Variants in TMEM220 observed in about 807,000 individuals in gnomAD.
The protein encoded by TMEM220 is transmembrane protein 220.
A neutral mutation model predicts 21.7 loss-of-function variants in TMEM220; 21 were observed. That is an observed-to-expected ratio of 0.97 (90% CI 0.69 to 1.39). The LOEUF is 1.39. TMEM220 is among the 40% of genes most tolerant of loss of function. The probability of loss-of-function intolerance (pLI) is 0.00; values close to 1 mark genes in which losing one functional copy is unlikely to be tolerated. For missense variants in TMEM220, 191 were observed against 201.9 expected, an observed-to-expected ratio of 0.95 and a Z score of 0.33; for synonymous variants, 80 against 73.6, an observed-to-expected ratio of 1.09 and a Z score of -0.45.
Position 10,715,398 on chromosome 17 carries a change from T to C in TMEM220, c.*55A>G. 1 of 1,523,858 alleles carries C rather than the reference T, an allele frequency of 6.6e-7. No individual in the cohort carries two copies. 94.4% of individuals were successfully genotyped at this position (1,523,858 alleles called of 1,614,324 possible). A position where few individuals can be genotyped will look rare whatever the true frequency, so the allele number is the denominator to read the frequency against. On this transcript the variant is annotated 3_prime_UTR_variant, in exon 6 of 6. Coordinates refer to ENST00000341871, the MANE Select transcript of TMEM220 (RefSeq NM_001004313.3). ...AAACTCCTGGCTTGTTCCCCTAATGTTTATAAAAAATTGATTGAAAATATT... is the reference window on the plus strand; with the variant it reads ...AAACTCCTGGCTTGTTCCCCTAATGCTTATAAAAAATTGATTGAAAATATT...
intron 1 of TMEM220, 139 bp from the exon 2 acceptor site, chr17:10,729,199 G>T: frequency 1.1e-6 from 1 of 910,660 alleles, no homozygotes; most frequent in Non-Finnish European, 1.7e-6. Context: ...ATCTGAACAG[G>T]ATATAGTCCA....
rs2074900492 is a variant in TMEM220, at chr17:10,715,381, G to C, written c.*72C>G. On this transcript the variant is annotated 3_prime_UTR_variant, in exon 6 of 6. Transcript: ENST00000341871. ...CCCAAATTACCTGAAATAAACTCCTGGCTTGTTCCCCTAATGTTTATAAAA... is the reference window on the plus strand; with the variant it reads ...CCCAAATTACCTGAAATAAACTCCTCGCTTGTTCCCCTAATGTTTATAAAA... 1 of 1,432,028 alleles carries C rather than the reference G, an allele frequency of 7.0e-7. No homozygotes were observed. Among genetic ancestry groups the C allele is most frequent in the Non-Finnish European group, 9.5e-7 (1 of 1,054,680 alleles). The allele number at this position is 1,432,028 out of a possible 1,614,324, so 88.7% of individuals were successfully genotyped here.
At position 10,726,295 on chromosome 17, in the gene TMEM220, G is replaced by A. The variant is rs12453175; in HGVS notation, c.103-31C>T. On this transcript the variant is annotated intron_variant, in intron 2 of 5. Coordinates refer to ENST00000341871, the MANE Select transcript of TMEM220 (RefSeq NM_001004313.3). ...AGCAAAAAGGGAGGAAATTACATGA[G>A]TTAAGATGTATGCCCAATATATGAG... 13,205 of 1,555,688 alleles carry A rather than the reference G, an allele frequency of 8.5e-3. 632 individuals carry two copies. The East Asian group carries it at 0.13, about 15-fold the overall frequency.
intron 5 of TMEM220, among the ~76,000 whole-genome samples, 187 bp downstream of exon 5, chr17:10,723,083 C>A (rs948662460): frequency 1.3e-4 from 19 of 151,154 alleles, no homozygotes; most frequent in Non-Finnish European, 2.2e-4. Context: ...CGGGTTCAAG[C>A]GATTCCCCTG....
intron 4 of TMEM220, among the ~76,000 whole-genome samples, chr17:10,723,868 A>G (rs2075020398): frequency 6.6e-6 from 1 of 152,218 alleles, no homozygotes; most frequent in African/African-American, 2.4e-5. Context: ...TTCTATAAAT[A>G]TGTATTATAT....
intron 5 of TMEM220, among the ~76,000 whole-genome samples, chr17:10,719,075 T>C (rs2074956333): frequency 6.6e-6 from 1 of 152,230 alleles, no homozygotes; most frequent in Admixed American, 6.5e-5. Flanking sequence ...AGCTATGTTA[T>C]TAGGTCCATA....
chr17:10,722,027 C>G (rs1410219276), intron 5 of TMEM220, among the ~76,000 whole-genome samples: 3 of 140,296 alleles, frequency 2.1e-5, no homozygotes, highest in African/African-American at 8.1e-5. Context: ...CAGTCCTGCT[C>G]TATCGCGCAG....
Position 10,725,113 on chromosome 17 carries a change from A to T in TMEM220, c.185T>A (p.Ile62Asn). The T allele has an allele frequency of 6.2e-7, 1 of 1,614,108 alleles. No homozygotes were observed. The highest frequency in any genetic ancestry group is 8.5e-7 in the Non-Finnish European group (1 of 1,179,986). The change falls in exon 4 of 6, where the codon ATC (isoleucine) becomes AAC (asparagine). Residue 62 changes from isoleucine (I) to asparagine (N), a missense_variant. By Grantham distance (149) the Ile-to-Asn change is moderately radical. Transcript: ENST00000341871. ...EVTGNVIWKS[I>N]SAIHILFCTV... Reference sequence around the variant, plus strand: ...ACAAAAGAGTATGTGTATTGCAGAGATACTTTTCCAAATAACATTACCTAA... The same window carrying T: ...ACAAAAGAGTATGTGTATTGCAGAGTTACTTTTCCAAATAACATTACCTAA...
intron 5 of TMEM220, among the ~76,000 whole-genome samples, chr17:10,718,832 G>C (rs1297105141): frequency 1.3e-5 from 2 of 152,266 alleles, no homozygotes; most frequent in East Asian, 3.9e-4. Context: ...AAATTTGTTA[G>C]TACTTATTTC....
At chr17:10,729,672 T>G in intron 1 of TMEM220, 108 bp downstream of exon 1, 1 of 977,896 alleles carries the variant, frequency 1.0e-6, no homozygotes, top group Non-Finnish European at 1.3e-6. Flanking sequence ...TCCTCCCCAC[T>G]AACTGTGCGC....
intron 5 of TMEM220, among the ~76,000 whole-genome samples, chr17:10,722,191 C>T (rs779721828): frequency 1.8e-4 from 27 of 152,020 alleles, no homozygotes; most frequent in African/African-American, 3.9e-4. Context: ...GACGGGGTTT[C>T]GCCATGTTGG....
chr17:10,719,299 C>T (rs530348223), intron 5 of TMEM220, among the ~76,000 whole-genome samples: 56 of 152,226 alleles, frequency 3.7e-4, no homozygotes, highest in Admixed American at 1.8e-3. Flanking sequence ...TTATTTGAGA[C>T]GGAGTCTCTC....
At position 10,715,571 on chromosome 17, in the gene TMEM220, C is replaced by A; in HGVS notation, c.365G>T (p.Arg122Ile). 1 of 1,589,892 alleles carries A rather than the reference C, an allele frequency of 6.3e-7. No individual in the cohort carries two copies. Among genetic ancestry groups the A allele is most frequent in the Non-Finnish European group, 8.5e-7 (1 of 1,174,150 alleles). ...HSSSKNPVGG[R>I]IQLAIAIVIT... The stretch of plus-strand genomic sequence containing the variant: ...TACAATGGCAATAGCCAATTGAATT[C>A]TTCCACCAACTGGATTCCTATAAAG... The change falls in exon 6 of 6, where the codon AGA becomes ATA. Residue 122 changes from arginine (R) to isoleucine (I), a missense_variant. Transcript: ENST00000341871.
chr17:10,723,429 G>C, intron 4 of TMEM220, 100 bp from the exon 5 acceptor site: 1 of 828,378 alleles, frequency 1.2e-6, no homozygotes, highest in Non-Finnish European at 2.1e-6. Context: ...TTCTGATTGA[G>C]TGACTGACTC....
intron 2 of TMEM220, 123 bp from the exon 3 acceptor site, chr17:10,726,387 T>G (rs1265792528): frequency 2.6e-6 from 2 of 780,264 alleles, no homozygotes; most frequent in Non-Finnish European, 4.4e-6. Context: ...GATTTGCCTC[T>G]AAGTTTCAAT....
intron 5 of TMEM220, 59 bp downstream of exon 5, chr17:10,723,211 C>T: frequency 6.9e-7 from 1 of 1,446,058 alleles, no homozygotes; most frequent in Non-Finnish European, 9.7e-7. Context: ...GATCTCCTGA[C>T]CTCGTGATCT....
In TMEM220 at chr17:10,729,777, G is replaced by T; in HGVS notation, c.72+3C>A. On this transcript the variant is annotated splice_donor_region_variant and intron_variant, in intron 1 of 5. Transcript: ENST00000341871. ...GGTCCCCCTCCCACCGCGGCCGCCT[G>T]ACCTGCACCAAGGCCGCCAGCGCGA... 3 of 1,409,148 alleles carry T rather than the reference G, an allele frequency of 2.1e-6. No homozygotes were observed. The highest frequency in any genetic ancestry group is 2.9e-5 in the South Asian group (2 of 68,332). The allele number at this position is 1,409,148 out of a possible 1,614,324, so 87.3% of individuals were successfully genotyped here.
At chr17:10,716,072 T>A (rs1157248618) in intron 5 of TMEM220, 3 of 754,898 alleles carry the variant, frequency 4.0e-6, no homozygotes, top group Non-Finnish European at 6.8e-6. Context: ...AATATTCAGT[T>A]TAGATTGGTT....
chr17:10,723,495 A>C (rs1469381610), intron 4 of TMEM220, among the ~76,000 whole-genome samples, 166 bp from the exon 5 acceptor site: 2 of 152,136 alleles, frequency 1.3e-5, no homozygotes, highest in African/African-American at 2.4e-5. Context: ...ATGATTCATA[A>C]ATTACTTTTT....
Sources: allele counts gnomAD v4.1 joint callset (sites outside exome capture counted in the v4.1 genomes callset), GRCh38; gene constraint gnomAD v4.1.1; transcripts MANE v1.5; gene names NCBI Gene and HGNC (gene_info 2026-07-23, HGNC 2026-07-21).